Variants in KCNIP1 observed in about 807,000 individuals in gnomAD.
KCNIP1 encodes the protein potassium voltage-gated channel interacting protein 1, also known as A-type potassium channel modulatory protein KCNIP1.
KCNIP1 carries 18 observed loss-of-function variants against 33.0 expected under a neutral mutation model. The ratio of observed to expected loss-of-function variants is 0.55; its 90% CI spans 0.38 to 0.81. The LOEUF is 0.81. Among genes scored for constraint, KCNIP1 ranks in the 30% least tolerant of loss-of-function variants. The pLI, the probability that KCNIP1 is intolerant of heterozygous loss-of-function variation, is 0.00. For missense variants in KCNIP1, 238 were observed against 271.6 expected (o/e 0.88, Z 0.87); for synonymous variants, 93 against 98.3 (o/e 0.95, Z 0.32).
Position 170,568,195 on chromosome 5 carries a change from C to T in KCNIP1, c.61+63562C>T, listed in dbSNP as rs1219298819. Among the ~76,000 whole-genome samples the T allele has an allele frequency of 2.6e-5, 4 of 152,312 alleles. No homozygotes were observed. In the East Asian group the frequency reaches 7.7e-4, roughly 29 times the overall value. ...ATTCTTATTGCTGGAACATAATTCC[C>T]TCATTAGTATTTCTGAGTGCTCTGG... On this transcript the variant is annotated intron_variant, in intron 1 of 7. Transcript: ENST00000328939.
chr5:170,437,070 T>C (rs1045226941), intron 1 of KCNIP1, among the ~76,000 whole-genome samples: 8 of 152,126 alleles, frequency 5.3e-5, no homozygotes, highest in African/African-American at 1.9e-4. Context: ...AAGCAGATAA[T>C]TGTGGAGAAG....
intron 1 of KCNIP1, among the ~76,000 whole-genome samples, chr5:170,438,853 C>A (rs908264110): frequency 6.6e-6 from 1 of 152,170 alleles, no homozygotes. Context: ...CTGTACCGAG[C>A]GGCACACTGT....
chr5:170,422,110 G>A (rs1366531989), intron 1 of KCNIP1: 2 of 152,218 alleles, frequency 1.3e-5, no homozygotes, highest in Admixed American at 6.5e-5. Flanking sequence ...GATGTGACTT[G>A]TGCCTTGAAG....
intron 1 of KCNIP1, among the ~76,000 whole-genome samples, chr5:170,361,518 G>A (rs1210481783): frequency 3.3e-5 from 5 of 152,092 alleles, no homozygotes; most frequent in South Asian, 2.1e-4. Flanking sequence ...AAGAACACCC[G>A]CTTTGGAGCC....
At chr5:170,415,727 C>T (rs1003526599) in intron 1 of KCNIP1, among the ~76,000 whole-genome samples, 6 of 152,276 alleles carry the variant, frequency 3.9e-5, no homozygotes, top group African/African-American at 9.6e-5. Context: ...GGGCTATGAG[C>T]GCCACAGGAG....
At position 170,695,847 on chromosome 5, in the gene KCNIP1, C is replaced by T. The variant is rs181627348; in HGVS notation, c.62-22911C>T. ...CATCCTGGCCAACATGATGAAACCCCGTCTCTACTAAAAATACAAAAATTA... is the reference window on the plus strand; with the variant it reads ...CATCCTGGCCAACATGATGAAACCCTGTCTCTACTAAAAATACAAAAATTA... On this transcript the variant is annotated intron_variant, in intron 1 of 7. Transcript: ENST00000328939. Among the ~76,000 whole-genome samples, 345 of 152,068 alleles carry T rather than the reference C, an allele frequency of 2.3e-3. 1 individual carries two copies. Among genetic ancestry groups the T allele is most frequent in the African/African-American group, 8.0e-3 (332 of 41,476 alleles).
At chr5:170,424,061 G>A (rs2174416) in intron 1 of KCNIP1, among the ~76,000 whole-genome samples, 30,892 of 152,180 alleles carry the variant, frequency 0.2, 3,150 homozygotes, top group African/African-American at 0.23. Flanking sequence ...CCATTAGGCT[G>A]GACATAAATC....
At chr5:170,497,013 C>G (rs12519751) in intron 1 of KCNIP1, among the ~76,000 whole-genome samples, 16,752 of 152,114 alleles carry the variant, frequency 0.11, 1,144 homozygotes, top group East Asian at 0.22. Context: ...AGAGGGATCT[C>G]GGTGAAGTCT....
chr5:170,514,288 G>A (rs145510372), intron 1 of KCNIP1, among the ~76,000 whole-genome samples: 6 of 152,336 alleles, frequency 3.9e-5, no homozygotes, highest in East Asian at 1.9e-4. Flanking sequence ...ATTTGCATCC[G>A]TGTGGCTGAG....
chr5:170,615,366 G>A (rs1379510852), intron 1 of KCNIP1, among the ~76,000 whole-genome samples: 1 of 152,182 alleles, frequency 6.6e-6, no homozygotes, highest in Non-Finnish European at 1.5e-5. Context: ...CATTAAGACC[G>A]TGGCTCCTTC....
chr5:170,462,952 A>G (rs1240434435), intron 1 of KCNIP1, among the ~76,000 whole-genome samples: 1 of 152,160 alleles, frequency 6.6e-6, no homozygotes, highest in Non-Finnish European at 1.5e-5. Flanking sequence ...GACACAGTGG[A>G]CTTTGGGGAC....
chr5:170,495,327 G>T (rs919381716), intron 1 of KCNIP1, among the ~76,000 whole-genome samples: 1 of 152,190 alleles, frequency 6.6e-6, no homozygotes, highest in Non-Finnish European at 1.5e-5. Context: ...TTCCTGGACC[G>T]CACCACTGTT....
At chr5:170,668,237 A>G (rs1303510835) in intron 1 of KCNIP1, among the ~76,000 whole-genome samples, 1 of 152,218 alleles carries the variant, frequency 6.6e-6, no homozygotes. Flanking sequence ...GCTCCTGGCC[A>G]GGGAGGGCAG....
chr5:170,714,267 C>T (rs748601239), intron 1 of KCNIP1, among the ~76,000 whole-genome samples: 1 of 152,108 alleles, frequency 6.6e-6, no homozygotes, highest in East Asian at 1.9e-4. Context: ...TGGCTACAAG[C>T]GAGTTTGCAA....
chr5:170,722,698 T>A lies in KCNIP1; in HGVS notation c.328-15T>A. On this transcript the variant is annotated splice_polypyrimidine_tract_variant and intron_variant, in intron 4 of 7. Coordinates refer to ENST00000328939, the MANE Select transcript of KCNIP1 (RefSeq NM_014592.4). ...GCTTGATGGTTAATGTCACTCTGCCTTTTCCCCTTCTCAGGACTTTGTAAC... is the reference window on the plus strand; with the variant it reads ...GCTTGATGGTTAATGTCACTCTGCCATTTCCCCTTCTCAGGACTTTGTAAC... The A allele has an allele frequency of 6.4e-7, 1 of 1,561,546 alleles. No homozygotes were observed. Among genetic ancestry groups the A allele is most frequent in the South Asian group, 1.1e-5 (1 of 89,928 alleles).
chr5:170,651,318 A>G (rs747578547), intron 1 of KCNIP1, among the ~76,000 whole-genome samples: 8 of 152,170 alleles, frequency 5.3e-5, no homozygotes, highest in Non-Finnish European at 1.2e-4. Flanking sequence ...TGATTCTTAG[A>G]GTCCTATCTG....
chr5:170,523,738 T>C (rs780804970), intron 1 of KCNIP1, among the ~76,000 whole-genome samples: 2 of 152,128 alleles, frequency 1.3e-5, no homozygotes, highest in Non-Finnish European at 2.9e-5. Flanking sequence ...CAGCCAGGCA[T>C]CTGCAAATGC....
chr5:170,729,243 A>G (rs1764113056), intron 5 of KCNIP1, among the ~76,000 whole-genome samples: 1 of 152,108 alleles, frequency 6.6e-6, no homozygotes, highest in African/African-American at 2.4e-5. Flanking sequence ...TAAATTATTG[A>G]TGGCTTTACA....
rs141367971 is a variant in KCNIP1 at position 170,473,887 on chromosome 5, G to A, written c.88+119923G>A. On this transcript the variant is annotated intron_variant, in intron 1 of 7. Transcript: ENST00000377360. ...AGCCTCACACCAGGGTGTGGCATGA[G>A]CAACGAGACAGGGTAGTGTTGGTGC... is the stretch of plus-strand genomic sequence containing the variant. Among the ~76,000 whole-genome samples the A allele has an allele frequency of 2.5e-3, 385 of 152,308 alleles. 1 individual carries two copies. Among genetic ancestry groups the A allele is most frequent in the Non-Finnish European group, 3.5e-3 (240 of 68,030 alleles).
Sources: gnomAD v4.1 joint callset for allele counts (sites outside exome capture counted in the v4.1 genomes callset) on GRCh38, gnomAD v4.1.1 for gene constraint, MANE v1.5 for transcripts, NCBI Gene and HGNC (gene_info 2026-07-23, HGNC 2026-07-21) for gene names.